FAM3C: variants seen among roughly 807,000 people sequenced by gnomAD.
FAM3C encodes the protein FAM3 metabolism regulating signaling molecule C, also known as protein FAM3C.
In FAM3C, 15 loss-of-function variants were observed where a neutral mutation model predicts 32.5. The observed-to-expected ratio is 0.46, with a 90% CI of 0.31 to 0.71. The LOEUF (loss-of-function observed/expected upper bound fraction) is 0.71. FAM3C is among the 30% of genes least tolerant of loss of function. FAM3C has a pLI of 0.05. For missense variants in FAM3C, 175 were observed against 274.4 expected (o/e 0.64, Z 2.56); for synonymous variants, 75 against 86.1 (o/e 0.87, Z 0.72).
At chr7:121,363,144 T>A (rs547060508) in intron 6 of FAM3C, among the ~76,000 whole-genome samples, 197 bp from the exon 7 acceptor site, 3 of 152,190 alleles carry the variant, frequency 2.0e-5, no homozygotes, top group Non-Finnish European at 2.9e-5. Flanking sequence ...CTGAAATATA[T>A]TTTTAAAGGG....
intron 5 of FAM3C, among the ~76,000 whole-genome samples, chr7:121,365,828 G>A (rs954690860): frequency 4.6e-5 from 7 of 152,026 alleles, no homozygotes; most frequent in African/African-American, 1.7e-4. Flanking sequence ...GACATATCAT[G>A]CAAACATTAA....
intron 5 of FAM3C, among the ~76,000 whole-genome samples, chr7:121,366,493 C>G (rs890626024): frequency 6.6e-6 from 1 of 151,844 alleles, no homozygotes; most frequent in East Asian, 1.9e-4. Context: ...TCTATAAAGA[C>G]AGAAAGGAAA....
At chr7:121,366,070 A>G (rs975874505) in intron 5 of FAM3C, among the ~76,000 whole-genome samples, 11 of 152,252 alleles carry the variant, frequency 7.2e-5, no homozygotes, top group African/African-American at 2.4e-4. Context: ...GGATGTGGAG[A>G]AATTGGAACC....
At chr7:121,356,945 T>C (rs1793826590) in intron 8 of FAM3C, among the ~76,000 whole-genome samples, 1 of 152,168 alleles carries the variant, frequency 6.6e-6, no homozygotes, top group Non-Finnish European at 1.5e-5. Context: ...TAAATGGGCT[T>C]CACAGAATCA....
intron 1 of FAM3C, among the ~76,000 whole-genome samples, chr7:121,388,243 C>CACACACAT (rs1290006108): frequency 2.0e-5 from 3 of 150,168 alleles, no homozygotes; most frequent in African/African-American, 7.5e-5. Flanking sequence ...TTAACACACA[C>CACACACAT]ACACACACAC....
At chr7:121,372,861 A>G (rs183005347) in intron 3 of FAM3C, among the ~76,000 whole-genome samples, 114 of 152,328 alleles carry the variant, frequency 7.5e-4, no homozygotes, top group African/African-American at 2.5e-3. Context: ...TGCTATAAAT[A>G]GTCACACAGT....
chr7:121,372,026 T>C (rs540745942), intron 4 of FAM3C, 84 bp downstream of exon 4: 50 of 965,512 alleles, frequency 5.2e-5, no homozygotes, highest in Non-Finnish European at 6.5e-5. Context: ...TTCCTCATAC[T>C]GAACTACTGA....
intron 8 of FAM3C, among the ~76,000 whole-genome samples, chr7:121,358,511 A>C (rs1793855588): frequency 6.6e-6 from 1 of 152,084 alleles, no homozygotes. Flanking sequence ...CATGAAGTAC[A>C]ATTACTTTTA....
chr7:121,359,550 C>T (rs530219019), intron 8 of FAM3C, among the ~76,000 whole-genome samples: 14 of 151,858 alleles, frequency 9.2e-5, no homozygotes, highest in African/African-American at 2.9e-4. Flanking sequence ...GGTCTCTTTG[C>T]GCTTTTCTAT....
intron 5 of FAM3C, among the ~76,000 whole-genome samples, chr7:121,368,751 C>A (rs958363232): frequency 2.0e-5 from 3 of 151,968 alleles, no homozygotes; most frequent in African/African-American, 7.2e-5. Context: ...AATCTTAGGG[C>A]CTTCGAGCAG....
At chr7:121,364,329 TC>T in intron 5 of FAM3C, 141 bp from the exon 6 acceptor site, 2 of 613,646 alleles carry the variant, frequency 3.3e-6, no homozygotes, top group East Asian at 2.8e-5. Flanking sequence ...TAAAAAGATC[TC>T]TACTAAGTCA....
intron 1 of FAM3C, among the ~76,000 whole-genome samples, chr7:121,383,827 G>T (rs1296888079): frequency 6.6e-6 from 1 of 152,184 alleles, no homozygotes; most frequent in East Asian, 1.9e-4. Flanking sequence ...AGTTTAGCTG[G>T]AGAGCTTCCA....
At position 121,373,649 on chromosome 7, in the gene FAM3C, T is replaced by C. The variant is rs531037075; in HGVS notation, c.119-1510A>G. 8.5e-5 allele frequency among the ~76,000 whole-genome samples: 13 copies of C among 152,310 alleles called. No individual in the cohort carries two copies. The South Asian group carries it at 2.7e-3, about 32-fold the overall frequency. On this transcript the variant is annotated intron_variant, in intron 3 of 9. Transcript: ENST00000359943. The stretch of plus-strand genomic sequence containing the variant: ...TATTTTGCACTTTAGTTGTTAATAA[T>C]GTCTCAAGTAATTTATGTATATACT...
intron 1 of FAM3C, among the ~76,000 whole-genome samples, chr7:121,384,654 G>A (rs12706341): frequency 0.16 from 25,057 of 152,122 alleles, 2,172 homozygotes; most frequent in South Asian, 0.21. Flanking sequence ...CAACAAACCT[G>A]TTTCTAAACT....
At chr7:121,360,420 G>A (rs1289472874) in intron 7 of FAM3C, among the ~76,000 whole-genome samples, 2 of 152,120 alleles carry the variant, frequency 1.3e-5, no homozygotes, top group African/African-American at 4.8e-5. Context: ...CATGACTTAC[G>A]AAGTAAGAAA....
rs1794307219 is a variant in FAM3C, at chr7:121,379,433, C to A, written c.14-419G>T. ...GGAACTTCTGGGGATGCTAAGGCCA[C>A]AATGTCCACTAAGCGAGGAATTCTC... is the stretch of plus-strand genomic sequence containing the variant. On this transcript the variant is annotated intron_variant, in intron 2 of 9. Transcript: ENST00000359943. Among the ~76,000 whole-genome samples, 4 of 152,138 alleles carry A rather than the reference C, an allele frequency of 2.6e-5. No individual in the cohort carries two copies. The South Asian group carries it at 8.3e-4, about 32-fold the overall frequency.
chr7:121,368,972 GTTTTTTT>G (rs563834740), intron 5 of FAM3C, among the ~76,000 whole-genome samples: 2 of 96,168 alleles, frequency 2.1e-5, no homozygotes, highest in African/African-American at 7.7e-5. Context: ...TGTTGTTGTT[GTTTTTTT>G]TTTTTTTTTT....
At chr7:121,392,505 C>A (rs1445373912) in intron 1 of FAM3C, among the ~76,000 whole-genome samples, 1 of 152,166 alleles carries the variant, frequency 6.6e-6, no homozygotes, top group Non-Finnish European at 1.5e-5. Flanking sequence ...CCTCCCTCGA[C>A]ACACAGGGAT....
At chr7:121,395,240 TACATATATATGGATAC>T (rs1794661467) in intron 1 of FAM3C, among the ~76,000 whole-genome samples, 2 of 48,186 alleles carry the variant, frequency 4.2e-5, no homozygotes, top group Non-Finnish European at 8.4e-5. Flanking sequence ...GATACATACA[TACATATATATGGATAC>T]ATACATATAT....
Sources: allele counts gnomAD v4.1 joint callset (sites outside exome capture counted in the v4.1 genomes callset), GRCh38; gene constraint gnomAD v4.1.1; transcripts MANE v1.5; gene names NCBI Gene and HGNC (gene_info 2026-07-23, HGNC 2026-07-21).